CABLES1: variants seen among roughly 807,000 people sequenced by gnomAD.
CABLES1 encodes Cdk5 and Abl enzyme substrate 1.
In CABLES1, 36 loss-of-function variants were observed where a neutral mutation model predicts 57.8. The observed-to-expected ratio is 0.62, with a 90% CI of 0.48 to 0.82. The LOEUF is 0.82. Among genes scored for constraint, CABLES1 ranks in the 40% least tolerant of loss-of-function variants. The pLI is 0.00. For synonymous variants in CABLES1, 374 were observed against 363.0 expected (o/e 1.03, Z -0.35); for missense variants, 767 against 836.6 (o/e 0.92, Z 1.03).
At chr18:23,155,697 T>C (rs2046960785) in intron 1 of CABLES1, 4 of 730,422 alleles carry the variant, frequency 5.5e-6, no homozygotes, top group Admixed American at 3.3e-5. Context: ...CAGGACCTCA[T>C]GTGGTCTCCA....
intron 2 of CABLES1, among the ~76,000 whole-genome samples, chr18:23,194,186 C>T (rs905749671): frequency 2.0e-5 from 3 of 151,924 alleles, no homozygotes; most frequent in Non-Finnish European, 4.4e-5. Context: ...TTTTTTAATG[C>T]AGGGGACAAT....
At chr18:23,173,738 G>A (rs2047100135) in intron 1 of CABLES1, among the ~76,000 whole-genome samples, 1 of 152,208 alleles carries the variant, frequency 6.6e-6, no homozygotes, top group African/African-American at 2.4e-5. Flanking sequence ...CGAGGTGGGT[G>A]GATCGCTTGC....
intron 7 of CABLES1, among the ~76,000 whole-genome samples, chr18:23,248,188 G>A (rs936363816): frequency 1.3e-5 from 2 of 152,194 alleles, no homozygotes; most frequent in African/African-American, 4.8e-5. Context: ...CAGGGAGTGT[G>A]GCGCAGGGGC....
intron 4 of CABLES1, among the ~76,000 whole-genome samples, chr18:23,222,552 C>A (rs954035177): frequency 2.0e-5 from 3 of 146,476 alleles, no homozygotes; most frequent in Admixed American, 7.1e-5. Flanking sequence ...CTATATATAT[C>A]TATATATAGA....
At chr18:23,237,344 G>A in intron 7 of CABLES1, 99 bp downstream of exon 7, 1 of 833,566 alleles carries the variant, frequency 1.2e-6, no homozygotes, top group Non-Finnish European at 2.1e-6. Flanking sequence ...GCTCTGCCTG[G>A]GGGACCTTCA....
intron 1 of CABLES1, among the ~76,000 whole-genome samples, chr18:23,154,983 CT>C (rs1003569120): frequency 6.6e-6 from 1 of 152,180 alleles, no homozygotes; most frequent in Admixed American, 6.5e-5. Flanking sequence ...CTAAACCAGA[CT>C]TTTTTATTTG....
At chr18:23,166,623 T>C (rs1417380430) in intron 1 of CABLES1, among the ~76,000 whole-genome samples, 2 of 152,224 alleles carry the variant, frequency 1.3e-5, no homozygotes, top group Non-Finnish European at 2.9e-5. Flanking sequence ...CACCCAGAGA[T>C]GACCAGTTAA....
Position 23,213,064 on chromosome 18 carries a change from C to T in CABLES1, c.1011-913C>T, listed in dbSNP as rs543683020. ...AGACACAGGGCCTGGTTTGCCGTGC[C>T]AGGGAACCGGACTACATCCCAGGAC... On this transcript the variant is annotated intron_variant, in intron 3 of 9. Transcript: ENST00000256925. Among the ~76,000 whole-genome samples, 30 of 152,234 alleles carry T rather than the reference C, an allele frequency of 2.0e-4. 1 individual carries two copies. In the South Asian group the frequency reaches 6.2e-3, roughly 32 times the overall value.
At chr18:23,156,106 G>C (rs535083802) in intron 1 of CABLES1, among the ~76,000 whole-genome samples, 3 of 152,344 alleles carry the variant, frequency 2.0e-5, no homozygotes, top group African/African-American at 7.2e-5. Context: ...CAGCAGCGGG[G>C]GCTGGAGGGT....
intron 1 of CABLES1, among the ~76,000 whole-genome samples, chr18:23,152,402 G>A (rs529581337): frequency 1.5e-3 from 233 of 151,860 alleles, no homozygotes; most frequent in African/African-American, 5.3e-3. Context: ...GAATATTTAC[G>A]TATGGAGATT....
chr18:23,143,124 T>G (rs2046867835), intron 1 of CABLES1, among the ~76,000 whole-genome samples: 2 of 152,176 alleles, frequency 1.3e-5, no homozygotes, highest in Non-Finnish European at 2.9e-5. Flanking sequence ...CTAAATGGCC[T>G]CAAGGGTTCC....
chr18:23,189,128 A>T lies in CABLES1; in HGVS notation c.917+219A>T. 1.4e-5 allele frequency: 7 copies of T among 494,882 alleles called. 1 individual carries two copies. The South Asian group carries it at 1.8e-4, about 12-fold the overall frequency. 30.7% of individuals were successfully genotyped at this position (494,882 alleles called of 1,614,324 possible). ...TAGGTGTTGGAGTAGCCCAATTTGCATGGAGATTTGGGTGCTTTTCTTTCC... is the reference window on the plus strand; with the variant it reads ...TAGGTGTTGGAGTAGCCCAATTTGCTTGGAGATTTGGGTGCTTTTCTTTCC... On this transcript the variant is annotated intron_variant, in intron 2 of 9. Transcript: ENST00000256925.
At chr18:23,167,218 T>A (rs868815260) in intron 1 of CABLES1, among the ~76,000 whole-genome samples, 40 of 150,684 alleles carry the variant, frequency 2.7e-4, no homozygotes, top group African/African-American at 5.6e-4. Flanking sequence ...TTATTAAATT[T>A]AAAAAAAAAA....
intron 1 of CABLES1, among the ~76,000 whole-genome samples, chr18:23,170,192 G>A (rs924541688): frequency 9.2e-5 from 14 of 152,344 alleles, no homozygotes; most frequent in African/African-American, 2.9e-4. Flanking sequence ...AGTCAGCATA[G>A]TACTCATGTA....
chr18:23,256,198 A>G, intron 9 of CABLES1, among the ~76,000 whole-genome samples: 1 of 152,256 alleles, frequency 6.6e-6, no homozygotes, highest in East Asian at 1.9e-4. Context: ...GTTGACGCCA[A>G]GGCAGAATGT....
intron 4 of CABLES1, chr18:23,219,209 C>G (rs866128978): frequency 1.5e-5 from 7 of 453,988 alleles, no homozygotes; most frequent in Admixed American, 7.1e-5. Flanking sequence ...GAAAATGTCT[C>G]TCTGTGTGTG....
chr18:23,215,706 G>A (rs1256357131), intron 4 of CABLES1, among the ~76,000 whole-genome samples: 1 of 152,120 alleles, frequency 6.6e-6, no homozygotes, highest in Non-Finnish European at 1.5e-5. Context: ...CTTAGCAGGG[G>A]AGACACATTA....
intron 9 of CABLES1, among the ~76,000 whole-genome samples, chr18:23,254,676 C>A (rs1168008063): frequency 6.6e-6 from 1 of 152,156 alleles, no homozygotes; most frequent in Non-Finnish European, 1.5e-5. Flanking sequence ...TGGTGAGGTT[C>A]CTCTCCTTGC....
In CABLES1 at chr18:23,180,072, C is replaced by T. The variant is rs149332407; in HGVS notation, c.846-8766C>T. On this transcript the variant is annotated intron_variant, in intron 1 of 9. Coordinates refer to ENST00000256925, the MANE Select transcript of CABLES1 (RefSeq NM_001100619.3). ...TAGCTGGGACTACAGGCGCCCGCCACCACGCCCGGCTAATTTTTTTTTTAA... is the reference window on the plus strand; with the variant it reads ...TAGCTGGGACTACAGGCGCCCGCCATCACGCCCGGCTAATTTTTTTTTTAA... Among the ~76,000 whole-genome samples, 1,470 of 152,250 alleles carry T rather than the reference C, an allele frequency of 9.7e-3. 27 individuals carry two copies. The highest frequency in any genetic ancestry group is 0.034 in the African/African-American group (1,411 of 41,538).
Sources: allele counts gnomAD v4.1 joint callset (sites outside exome capture counted in the v4.1 genomes callset), GRCh38; gene constraint gnomAD v4.1.1; transcripts MANE v1.5; gene names NCBI Gene and HGNC (gene_info 2026-07-23, HGNC 2026-07-21).